The following TSPAN2 variants were observed in gnomAD, a reference collection of about 807,000 sequenced individuals.
TSPAN2 encodes tetraspanin-2.
Under a neutral mutation model 33.3 loss-of-function variants are expected in TSPAN2, and 24 were observed. The observed-to-expected ratio is 0.72, with a 90% CI of 0.52 to 1.01. The LOEUF (loss-of-function observed/expected upper bound fraction) is 1.01, where lower values mean the gene tolerates loss of function less well. Among genes scored for constraint, TSPAN2 ranks in the 50% least tolerant of loss-of-function variants. The pLI is 0.00. For synonymous variants in TSPAN2, 114 were observed against 104.5 expected, an observed-to-expected ratio of 1.09 and a Z score of -0.56; for missense variants, 278 against 281.3, an observed-to-expected ratio of 0.99 and a Z score of 0.08.
At chr1:115,074,743 C>A (rs548952668) in intron 1 of TSPAN2, among the ~76,000 whole-genome samples, 2 of 152,232 alleles carry the variant, frequency 1.3e-5, no homozygotes, top group Admixed American at 6.5e-5. Context: ...ACGGTAGTTT[C>A]TATGTGCAAT....
intron 1 of TSPAN2, among the ~76,000 whole-genome samples, chr1:115,083,152 A>T (rs553525665): frequency 1.6e-4 from 25 of 152,302 alleles, no homozygotes; most frequent in African/African-American, 5.5e-4. Context: ...TTAATTCCTT[A>T]GCAACCATGA....
chr1:115,088,300 A>G (rs1477637914), intron 1 of TSPAN2, among the ~76,000 whole-genome samples: 3 of 152,312 alleles, frequency 2.0e-5, no homozygotes, highest in South Asian at 2.1e-4. Flanking sequence ...CGTCCCCCAG[A>G]GCAGATAGGA....
chr1:115,075,620 C>T lies in TSPAN2; in HGVS notation c.70-2613G>A, dbSNP rs113139242. On this transcript the variant is annotated intron_variant, in intron 1 of 7. Transcript: ENST00000369516. ...CCAGTCCAGTCAGGAACAAAGTGAG[C>T]ATGTCAGTGTCACTAAGTTCTCAAC... is the stretch of plus-strand genomic sequence containing the variant. Among the ~76,000 whole-genome samples, 1,100 of 152,072 alleles carry T rather than the reference C, an allele frequency of 7.2e-3. 12 individuals are homozygous for T. The highest frequency in any genetic ancestry group is 0.025 in the African/African-American group (1,044 of 41,492).
At chr1:115,062,371 G>C in intron 2 of TSPAN2, 139 bp from the exon 3 acceptor site, 1 of 640,038 alleles carries the variant, frequency 1.6e-6, no homozygotes, top group Non-Finnish European at 2.7e-6. Context: ...TGTTTGACAC[G>C]GAGGAACTGG....
At chr1:115,089,321 C>G in intron 1 of TSPAN2, 43 bp downstream of exon 1, 1 of 1,503,902 alleles carries the variant, frequency 6.6e-7, no homozygotes, top group Non-Finnish European at 9.0e-7. Context: ...CGCCCGCCAC[C>G]CGGCCCCCTG....
chr1:115,072,874 A>T, intron 2 of TSPAN2, 31 bp downstream of exon 2: 1 of 1,560,432 alleles, frequency 6.4e-7, no homozygotes, highest in South Asian at 1.1e-5. Flanking sequence ...ATCTACTCTG[A>T]GCTGGAGCTT....
At chr1:115,077,047 G>C (rs1331969035) in intron 1 of TSPAN2, among the ~76,000 whole-genome samples, 1 of 151,628 alleles carries the variant, frequency 6.6e-6, no homozygotes, top group Non-Finnish European at 1.5e-5. Flanking sequence ...AGCCCTCCAA[G>C]TAGCTGGGAA....
At chr1:115,060,078 C>T (rs1053204405) in intron 4 of TSPAN2, among the ~76,000 whole-genome samples, 2 of 152,100 alleles carry the variant, frequency 1.3e-5, no homozygotes, top group Admixed American at 1.3e-4. Context: ...TGAAATGGAC[C>T]CATCCAGGCC....
At chr1:115,082,670 T>G (rs1347491414) in intron 1 of TSPAN2, among the ~76,000 whole-genome samples, 1 of 152,204 alleles carries the variant, frequency 6.6e-6, no homozygotes, top group Non-Finnish European at 1.5e-5. Flanking sequence ...CCTTCCTGCT[T>G]CTTCTCCCAT....
chr1:115,061,625 T>C (rs1197569006), intron 3 of TSPAN2, among the ~76,000 whole-genome samples: 1 of 152,218 alleles, frequency 6.6e-6, no homozygotes, highest in African/African-American at 2.4e-5. Flanking sequence ...ATGACGTCAT[T>C]TCTTTTCACA....
intron 1 of TSPAN2, among the ~76,000 whole-genome samples, chr1:115,084,091 C>T (rs1396674815): frequency 6.6e-6 from 1 of 152,186 alleles, no homozygotes; most frequent in African/African-American, 2.4e-5. Context: ...GGATGTAAAA[C>T]ACCTGCCTGC....
At chr1:115,080,305 A>T (rs1404288437) in intron 1 of TSPAN2, among the ~76,000 whole-genome samples, 4 of 152,072 alleles carry the variant, frequency 2.6e-5, no homozygotes, top group Admixed American at 1.3e-4. Context: ...TTTTTTTGAG[A>T]TAGGGTCTTA....
chr1:115,058,571 C>T (rs1647528315), intron 5 of TSPAN2: 1 of 370,968 alleles, frequency 2.7e-6, no homozygotes. Flanking sequence ...ACAATGCTAC[C>T]CTCTGACAAA....
rs954787154 is a variant in TSPAN2 at position 115,058,546 on chromosome 1, T to C, written c.444+337A>G. On this transcript the variant is annotated intron_variant, in intron 5 of 7. Coordinates refer to ENST00000369516, the MANE Select transcript of TSPAN2 (RefSeq NM_005725.6). ...GCTTTTCTGACTTACAGGTCACACT[T>C]GTTTCTGTTACACCACAATGCTACC... 10 of 296,536 alleles carry C rather than the reference T, an allele frequency of 3.4e-5. 1 individual carries two copies. The highest frequency in any genetic ancestry group is 3.2e-4 in the Admixed American group (6 of 18,522). The allele number at this position is 296,536 out of a possible 1,614,324, so 18.4% of individuals were successfully genotyped here.
At chr1:115,055,592 C>T (rs999107114) in intron 6 of TSPAN2, among the ~76,000 whole-genome samples, 8 of 151,888 alleles carry the variant, frequency 5.3e-5, no homozygotes, top group Admixed American at 4.6e-4. Context: ...GGCGCGATCT[C>T]GGCTCACTGC....
intron 1 of TSPAN2, among the ~76,000 whole-genome samples, chr1:115,084,456 C>A (rs189193500): frequency 6.6e-6 from 1 of 152,034 alleles, no homozygotes; most frequent in South Asian, 2.1e-4. Context: ...TAGGTCTGTC[C>A]GAGGTCTACC....
chr1:115,061,103 T>C (rs991600914), intron 3 of TSPAN2, among the ~76,000 whole-genome samples: 18 of 152,214 alleles, frequency 1.2e-4, no homozygotes, highest in Middle Eastern at 3.4e-3. Context: ...AGTTCAGTGA[T>C]AAACAAGACA....
chr1:115,089,464 C>T lies in TSPAN2; in HGVS notation c.-32G>A, dbSNP rs572445143. On this transcript the variant is annotated 5_prime_UTR_variant, in exon 1 of 8. Coordinates refer to ENST00000369516, the MANE Select transcript of TSPAN2 (RefSeq NM_005725.6). ...GCCCGGCGGCGGGATCCCCAGTCCC[C>T]AGGCCCGCGCTACGAGCGCGGGGAG... 73 of 1,449,734 alleles carry T rather than the reference C, an allele frequency of 5.0e-5. No homozygotes were observed. In the African/African-American group the frequency reaches 1.0e-3, roughly 20 times the overall value. 89.8% of individuals were successfully genotyped at this position (1,449,734 alleles called of 1,614,324 possible).
At chr1:115,083,156 A>C (rs1170642051) in intron 1 of TSPAN2, among the ~76,000 whole-genome samples, 1 of 152,186 alleles carries the variant, frequency 6.6e-6, no homozygotes, top group Admixed American at 6.5e-5. Context: ...TTCCTTAGCA[A>C]CCATGACATG....
Sources: gnomAD v4.1 joint callset for allele counts (sites outside exome capture counted in the v4.1 genomes callset) on GRCh38, gnomAD v4.1.1 for gene constraint, MANE v1.5 for transcripts, NCBI Gene and HGNC (gene_info 2026-07-23, HGNC 2026-07-21) for gene names.